CACNA2D3: variants seen among roughly 807,000 people sequenced by gnomAD.
CACNA2D3 encodes voltage-dependent calcium channel subunit alpha-2/delta-3.
In CACNA2D3, 60 loss-of-function variants were observed where a neutral mutation model predicts 160.6. That is an observed-to-expected ratio of 0.37 (90% CI 0.30 to 0.46). The LOEUF is 0.46. Ranked by LOEUF, CACNA2D3 falls within the 20% of genes least tolerant of loss-of-function variation. The pLI is 1.00. For missense variants in CACNA2D3, 1,205 were observed against 1,365.0 expected (o/e 0.88, Z 1.85); for synonymous variants, 558 against 492.9 (o/e 1.13, Z -1.75).
chr3:54,509,877 G>A (rs1701432302), intron 5 of CACNA2D3, among the ~76,000 whole-genome samples: 2 of 152,176 alleles, frequency 1.3e-5, no homozygotes, highest in African/African-American at 4.8e-5. Context: ...TATTGGCAAT[G>A]CCTCCATACT....
intron 2 of CACNA2D3, among the ~76,000 whole-genome samples, chr3:54,242,911 G>A (rs958239529): frequency 6.6e-6 from 1 of 152,180 alleles, no homozygotes; most frequent in Non-Finnish European, 1.5e-5. Context: ...TTGCTGCTCA[G>A]GCAAGCAGGG....
chr3:54,706,382 G>A (rs970091415), intron 11 of CACNA2D3, among the ~76,000 whole-genome samples: 1 of 152,182 alleles, frequency 6.6e-6, no homozygotes, highest in Admixed American at 6.5e-5. Flanking sequence ...AATGCATGAA[G>A]CCACCATGCC....
At chr3:54,688,789 T>A (rs13081682) in intron 11 of CACNA2D3, among the ~76,000 whole-genome samples, 31,423 of 150,382 alleles carry the variant, frequency 0.21, 3,513 homozygotes, top group Admixed American at 0.28. Context: ...GATCTCAAGG[T>A]CAGGGGTTCA....
At chr3:54,658,087 T>A (rs181346255) in intron 11 of CACNA2D3, among the ~76,000 whole-genome samples, 1 of 152,368 alleles carries the variant, frequency 6.6e-6, no homozygotes, top group Admixed American at 6.5e-5. Flanking sequence ...CAGTTGCCAA[T>A]GGACATTGCA....
At chr3:54,238,350 TTG>T (rs1701919860) in intron 2 of CACNA2D3, among the ~76,000 whole-genome samples, 1 of 152,164 alleles carries the variant, frequency 6.6e-6, no homozygotes, top group African/African-American at 2.4e-5. Context: ...CAGAAGCAAA[TTG>T]TGGCTGAACC....
chr3:54,249,229 G>A (rs530175648), intron 2 of CACNA2D3, among the ~76,000 whole-genome samples: 2 of 152,234 alleles, frequency 1.3e-5, no homozygotes, highest in African/African-American at 4.8e-5. Context: ...AGATGCGTGC[G>A]GGTGCCAAGT....
intron 5 of CACNA2D3, 128 bp downstream of exon 5, chr3:54,503,782 G>A (rs1279310000): frequency 1.3e-6 from 1 of 747,724 alleles, no homozygotes; most frequent in Non-Finnish European, 2.2e-6. Flanking sequence ...TATAAGCTGA[G>A]TGTGTCAGGT....
At chr3:54,165,034 A>G (rs1700424187) in intron 2 of CACNA2D3, among the ~76,000 whole-genome samples, 1 of 152,064 alleles carries the variant, frequency 6.6e-6, no homozygotes, top group South Asian at 2.1e-4. Context: ...AAGCAGCCAG[A>G]AAAGCTGGGT....
At chr3:54,868,704 G>T (rs1472282075) in intron 17 of CACNA2D3, among the ~76,000 whole-genome samples, 1 of 152,068 alleles carries the variant, frequency 6.6e-6, no homozygotes, top group African/African-American at 2.4e-5. Context: ...GAATGTGATT[G>T]TCTGACACCA....
intron 37 of CACNA2D3, 101 bp from the exon 38 acceptor site, chr3:55,074,013 A>G: frequency 8.7e-7 from 1 of 1,154,024 alleles, no homozygotes; most frequent in South Asian, 1.3e-5. Flanking sequence ...AGGTCCCAGA[A>G]GACTTCGTTC....
At chr3:54,787,445 A>T (rs956891912) in intron 13 of CACNA2D3, among the ~76,000 whole-genome samples, 5 of 152,216 alleles carry the variant, frequency 3.3e-5, no homozygotes, top group African/African-American at 9.6e-5. Context: ...TAGCTGTTCT[A>T]GGGGAGAAAG....
chr3:54,732,809 G>C (rs1490688846), intron 11 of CACNA2D3, among the ~76,000 whole-genome samples: 1 of 152,208 alleles, frequency 6.6e-6, no homozygotes, highest in African/African-American at 2.4e-5. Flanking sequence ...GTGGTCATCA[G>C]AGTTTTATGT....
At chr3:54,299,244 C>G (rs1703417131) in intron 2 of CACNA2D3, among the ~76,000 whole-genome samples, 1 of 151,200 alleles carries the variant, frequency 6.6e-6, no homozygotes, top group Admixed American at 6.6e-5. Context: ...TATAGCCTAA[C>G]TGAAACATAG....
At chr3:54,571,612 A>T (rs1288149588) in intron 8 of CACNA2D3, among the ~76,000 whole-genome samples, 3 of 136,214 alleles carry the variant, frequency 2.2e-5, no homozygotes, top group Admixed American at 7.4e-5. Context: ...CACTTAACCA[A>T]GTGTGTGTGT....
chr3:54,369,108 A>G (rs752587479), intron 3 of CACNA2D3, among the ~76,000 whole-genome samples: 2 of 152,156 alleles, frequency 1.3e-5, no homozygotes, highest in African/African-American at 2.4e-5. Flanking sequence ...AATAACAATA[A>G]GTATACATAT....
At chr3:54,317,675 T>A (rs1291696648) in intron 2 of CACNA2D3, among the ~76,000 whole-genome samples, 1 of 152,082 alleles carries the variant, frequency 6.6e-6, no homozygotes, top group Non-Finnish European at 1.5e-5. Context: ...GTAGCTAGGA[T>A]TACAGGCGCC....
intron 14 of CACNA2D3, among the ~76,000 whole-genome samples, chr3:54,832,869 C>A (rs1703910065): frequency 6.6e-6 from 1 of 152,126 alleles, no homozygotes; most frequent in South Asian, 2.1e-4. Flanking sequence ...TTAAGGAAAT[C>A]AATGAGTAGG....
chr3:54,317,493 G>A (rs898206986), intron 2 of CACNA2D3, among the ~76,000 whole-genome samples: 3 of 152,200 alleles, frequency 2.0e-5, no homozygotes, highest in Non-Finnish European at 4.4e-5. Context: ...GGTGGTAGAA[G>A]GGCAAGGAGA....
chr3:55,055,951 T>C (rs1293537490), intron 35 of CACNA2D3, among the ~76,000 whole-genome samples: 1 of 152,090 alleles, frequency 6.6e-6, no homozygotes. Flanking sequence ...ACAGATGAGA[T>C]TGTGTCAAAC....
Sources: gnomAD v4.1 joint callset for allele counts (sites outside exome capture counted in the v4.1 genomes callset) on GRCh38, gnomAD v4.1.1 for gene constraint, MANE v1.5 for transcripts, NCBI Gene and HGNC (gene_info 2026-07-23, HGNC 2026-07-21) for gene names.